SND1: variants seen among roughly 807,000 people sequenced by gnomAD.
SND1 encodes the protein staphylococcal nuclease domain-containing protein 1.
A neutral mutation model predicts 121.7 loss-of-function variants in SND1; 38 were observed. The ratio of observed to expected loss-of-function variants is 0.31; its 90% CI spans 0.24 to 0.41. SND1 has a LOEUF of 0.41. Among genes scored for constraint, SND1 ranks in the 10% least tolerant of loss-of-function variants. The pLI is 1.00. For synonymous variants in SND1, 401 were observed against 447.4 expected (o/e 0.90, Z 1.31); for missense variants, 868 against 1,184.6 (o/e 0.73, Z 3.92).
chr7:128,044,191 T>C (rs1318708635), intron 16 of SND1, among the ~76,000 whole-genome samples: 1 of 152,228 alleles, frequency 6.6e-6, no homozygotes, highest in Non-Finnish European at 1.5e-5. Context: ...CCACCTCCTA[T>C]CTAAAGTGTC....
At chr7:127,742,453 C>T (rs1379393429) in intron 10 of SND1, among the ~76,000 whole-genome samples, 1 of 152,068 alleles carries the variant, frequency 6.6e-6, no homozygotes, top group Non-Finnish European at 1.5e-5. Flanking sequence ...AATTATTATT[C>T]CAGATCCACT....
intron 1 of SND1, among the ~76,000 whole-genome samples, chr7:127,661,051 G>A (rs1795300643): frequency 6.6e-6 from 1 of 152,160 alleles, no homozygotes; most frequent in Admixed American, 6.5e-5. Flanking sequence ...TAGTTGAAGG[G>A]GCGGGACATA....
chr7:128,071,661 A>G (rs1213049512), intron 16 of SND1, among the ~76,000 whole-genome samples: 2 of 152,340 alleles, frequency 1.3e-5, no homozygotes, highest in African/African-American at 4.8e-5. Flanking sequence ...GAAGCGTCAC[A>G]CCGAATTCCA....
chr7:128,001,141 T>C (rs1802816723), intron 16 of SND1, among the ~76,000 whole-genome samples: 1 of 152,202 alleles, frequency 6.6e-6, no homozygotes, highest in African/African-American at 2.4e-5. Flanking sequence ...AAAATGAAAG[T>C]GACCAATGGT....
chr7:127,690,894 T>C (rs1795900646), intron 2 of SND1, among the ~76,000 whole-genome samples: 1 of 152,226 alleles, frequency 6.6e-6, no homozygotes, highest in African/African-American at 2.4e-5. Context: ...ATTCTTTGCC[T>C]TCTGTCATGA....
chr7:127,915,994 A>ATG (rs1563056981), intron 14 of SND1, among the ~76,000 whole-genome samples: 2 of 75,392 alleles, frequency 2.7e-5, no homozygotes, highest in Admixed American at 1.5e-4. Flanking sequence ...TTAGAACAGC[A>ATG]TATGTGTGTG....
intron 11 of SND1, among the ~76,000 whole-genome samples, chr7:127,840,135 T>C (rs150229280): frequency 2.1e-3 from 317 of 152,358 alleles, no homozygotes; most frequent in Admixed American, 5.1e-3. Context: ...TCCCCACTCT[T>C]GGAGCTTACA....
chr7:127,848,326 C>T (rs1799104198), intron 12 of SND1, among the ~76,000 whole-genome samples: 1 of 152,210 alleles, frequency 6.6e-6, no homozygotes, highest in Non-Finnish European at 1.5e-5. Context: ...AAACAACAAG[C>T]ACAACCAGTT....
intron 12 of SND1, among the ~76,000 whole-genome samples, chr7:127,882,389 A>C (rs1470510904): frequency 1.4e-5 from 1 of 69,460 alleles, no homozygotes; most frequent in Non-Finnish European, 2.6e-5. Flanking sequence ...GGAGGAAGGG[A>C]GGGAGGGAGG....
intron 14 of SND1, among the ~76,000 whole-genome samples, chr7:127,925,289 CA>C (rs1404127569): frequency 6.6e-6 from 1 of 152,172 alleles, no homozygotes; most frequent in East Asian, 1.9e-4. Flanking sequence ...GTCAGAAATC[CA>C]GTTGCTTCCT....
At chr7:127,924,123 A>G (rs1401447413) in intron 14 of SND1, among the ~76,000 whole-genome samples, 4 of 152,038 alleles carry the variant, frequency 2.6e-5, no homozygotes, top group African/African-American at 9.7e-5. Flanking sequence ...CAAGCAGTAC[A>G]GAGAGCTTCA....
At chr7:127,844,652 CTG>C (rs1686080286) in intron 12 of SND1, among the ~76,000 whole-genome samples, 1 of 152,110 alleles carries the variant, frequency 6.6e-6, no homozygotes, top group African/African-American at 2.4e-5. Context: ...TTATTGGGCT[CTG>C]TGTGCCTGGC....
chr7:128,041,429 C>T (rs1178573370), intron 16 of SND1, among the ~76,000 whole-genome samples: 1 of 152,108 alleles, frequency 6.6e-6, no homozygotes, highest in Non-Finnish European at 1.5e-5. Flanking sequence ...CTGGATGCTG[C>T]GTTCCTTTTT....
chr7:127,675,728 T>C, intron 1 of SND1, among the ~76,000 whole-genome samples: 1 of 152,198 alleles, frequency 6.6e-6, no homozygotes. Flanking sequence ...AATTTTTGGT[T>C]CCTCCTCTGA....
At chr7:127,678,960 G>C (rs540638901) in intron 1 of SND1, 31 of 152,316 alleles carry the variant, frequency 2.0e-4, no homozygotes, top group African/African-American at 5.8e-4. Flanking sequence ...CTTGTCCAGA[G>C]GGGAGTCCCT....
At chr7:127,989,633 G>C (rs937667433) in intron 15 of SND1, among the ~76,000 whole-genome samples, 1 of 151,546 alleles carries the variant, frequency 6.6e-6, no homozygotes, top group Non-Finnish European at 1.5e-5. Flanking sequence ...TAAATAAAAG[G>C]TAGCACCTCT....
chr7:127,801,977 GACTAC>G lies in SND1; in HGVS notation c.1153-5505_1153-5501del, dbSNP rs1055245458. The stretch of plus-strand genomic sequence containing the variant: ...CTGCCTCAGCCTCCCGAGTAGCTGG[GACTAC>G]AGGCACCCACCACCATGCTTGGCTA... On this transcript the variant is annotated intron_variant, in intron 10 of 23. Transcript: ENST00000354725. 1.6e-3 allele frequency among the ~76,000 whole-genome samples: 251 copies of G among 152,222 alleles called. 2 individuals are homozygous for G. The highest frequency in any genetic ancestry group is 5.8e-3 in the African/African-American group (239 of 41,526).
Position 127,831,401 on chromosome 7 carries a change from T to C in SND1, c.1243-12923T>C, listed in dbSNP as rs118098820. Among the ~76,000 whole-genome samples, 27 of 152,320 alleles carry C rather than the reference T, an allele frequency of 1.8e-4. 1 individual carries two copies. The East Asian group carries it at 5.2e-3, about 29-fold the overall frequency. On this transcript the variant is annotated intron_variant, in intron 11 of 23. Transcript: ENST00000354725. ...ACCAGTAGTATTAGATTGTCAGTGA[T>C]CAGCATGCCAAAATGCAGTTCCTTG...
chr7:127,822,617 GA>G (rs937852554), intron 11 of SND1, among the ~76,000 whole-genome samples: 2 of 152,014 alleles, frequency 1.3e-5, no homozygotes, highest in African/African-American at 4.8e-5. Flanking sequence ...AAGATAAAGG[GA>G]AAAAACCCCT....
Sources: gnomAD v4.1 joint callset for allele counts (sites outside exome capture counted in the v4.1 genomes callset) on GRCh38, gnomAD v4.1.1 for gene constraint, MANE v1.5 for transcripts, NCBI Gene and HGNC (gene_info 2026-07-23, HGNC 2026-07-21) for gene names.